Variants in JAM3 observed in about 807,000 individuals in gnomAD.
JAM3 encodes the protein junctional adhesion molecule 3, also known as junctional adhesion molecule C.
In JAM3, 31 loss-of-function variants were observed where a neutral mutation model predicts 39.4. The observed-to-expected ratio is 0.79, with a 90% CI of 0.59 to 1.06. The LOEUF (loss-of-function observed/expected upper bound fraction) is 1.06, where lower values mean the gene tolerates loss of function less well. JAM3 is among the 50% of genes least tolerant of loss of function. The pLI is 0.00. For missense variants in JAM3, 455 were observed against 391.4 expected (o/e 1.16, Z -1.37); for synonymous variants, 182 against 148.7 (o/e 1.22, Z -1.63).
At chr11:134,125,832 T>C (rs1942638272) in intron 1 of JAM3, among the ~76,000 whole-genome samples, 2 of 152,142 alleles carry the variant, frequency 1.3e-5, no homozygotes, top group Admixed American at 6.5e-5. Context: ...CTTTGTTTTT[T>C]CTCTACATTA....
In JAM3 at chr11:134,121,283, TAAG is replaced by T. The variant is rs1942527743; in HGVS notation, c.77-18565_77-18563del. On this transcript the variant is annotated intron_variant, in intron 1 of 8. Coordinates refer to ENST00000299106, the MANE Select transcript of JAM3 (RefSeq NM_032801.5). ...TCCGGAAGGTCTCTCAAAACTGAAA[TAAG>T]AAACTGCAGTTGTTGTCCACAGCTG... Among the ~76,000 whole-genome samples, 2 of 152,250 alleles carry T rather than the reference TAAG, an allele frequency of 1.3e-5. 1 individual carries two copies. The highest frequency in any genetic ancestry group is 4.2e-4 in the South Asian group (2 of 4,818).
Position 134,151,384 on chromosome 11 carries a change from T to A in JAM3, c.*2203T>A, listed in dbSNP as rs1277339144. 1 of 152,146 alleles carries A rather than the reference T, an allele frequency of 6.6e-6. No homozygotes were observed. Among genetic ancestry groups the A allele is most frequent in the Non-Finnish European group, 1.5e-5 (1 of 68,014 alleles). 9.4% of individuals were successfully genotyped at this position (152,146 alleles called of 1,614,324 possible). ...TGCCACCTTGGTAGAGAGGGATGGC[T>A]CCCCACCCTCAGCGTTGGGGATTCA... On this transcript the variant is annotated 3_prime_UTR_variant, in exon 9 of 9. Transcript: ENST00000299106.
intron 1 of JAM3, among the ~76,000 whole-genome samples, chr11:134,111,670 G>T (rs1039965442): frequency 1.3e-5 from 2 of 152,160 alleles, no homozygotes; most frequent in South Asian, 2.1e-4. Context: ...CAAGGAATAA[G>T]GAAGAAAATG....
intron 1 of JAM3, among the ~76,000 whole-genome samples, chr11:134,115,428 T>TCTA (rs1367767277): frequency 6.6e-6 from 1 of 152,078 alleles, no homozygotes; most frequent in Non-Finnish European, 1.5e-5. Context: ...TGTTCTTTGT[T>TCTA]CTTTTGTTCT....
At chr11:134,086,455 G>A (rs1362391234) in intron 1 of JAM3, among the ~76,000 whole-genome samples, 3 of 151,780 alleles carry the variant, frequency 2.0e-5, no homozygotes, top group Non-Finnish European at 4.4e-5. Flanking sequence ...CATGAGTAAA[G>A]AAGAAAAATT....
intron 1 of JAM3, among the ~76,000 whole-genome samples, chr11:134,108,206 TGAAA>T (rs976752844): frequency 6.6e-6 from 1 of 152,088 alleles, no homozygotes; most frequent in African/African-American, 2.4e-5. Flanking sequence ...ATAAATTTCT[TGAAA>T]GACACAACTA....
At position 134,095,884 on chromosome 11, in the gene JAM3, C is replaced by T. The variant is rs544340629; in HGVS notation, c.76+26725C>T. On this transcript the variant is annotated intron_variant, in intron 1 of 8. Transcript: ENST00000299106. Reference sequence around the variant, plus strand: ...CAGACAGGTTTCTAAATGTTTTTGTCCTTGACTTGCAAACACTCAGTGGAC... The same window carrying T: ...CAGACAGGTTTCTAAATGTTTTTGTTCTTGACTTGCAAACACTCAGTGGAC... Among the ~76,000 whole-genome samples, 11 of 152,282 alleles carry T rather than the reference C, an allele frequency of 7.2e-5. No individual in the cohort carries two copies. The East Asian group carries it at 1.7e-3, about 24-fold the overall frequency.
At position 134,149,967 on chromosome 11, in the gene JAM3, G is replaced by A. The variant is rs530375982; in HGVS notation, c.*786G>A. ...AAGGATGTATTTTGATTATTGAAAA[G>A]AAAATTTCTATTTAAACTGTAAATA... is the stretch of plus-strand genomic sequence containing the variant. On this transcript the variant is annotated 3_prime_UTR_variant, in exon 9 of 9. Coordinates refer to ENST00000299106, the MANE Select transcript of JAM3 (RefSeq NM_032801.5). 9 of 166,078 alleles carry A rather than the reference G, an allele frequency of 5.4e-5. No individual in the cohort carries two copies. The highest frequency in any genetic ancestry group is 4.5e-4 in the South Asian group (3 of 6,676). 10.3% of individuals were successfully genotyped at this position (166,078 alleles called of 1,614,324 possible).
At chr11:134,091,903 G>A (rs2510345) in intron 1 of JAM3, among the ~76,000 whole-genome samples, 59,435 of 150,304 alleles carry the variant, frequency 0.4, 12,786 homozygotes, top group African/African-American at 0.58. Flanking sequence ...CTTGAAAAGT[G>A]TGCATAAAAA....
chr11:134,125,464 C>T (rs555044340), intron 1 of JAM3, among the ~76,000 whole-genome samples: 1 of 152,020 alleles, frequency 6.6e-6, no homozygotes, highest in African/African-American at 2.4e-5. Context: ...TTTTTTAGTT[C>T]TGGATAGATT....
At chr11:134,108,003 G>A (rs1415542376) in intron 1 of JAM3, among the ~76,000 whole-genome samples, 7 of 151,950 alleles carry the variant, frequency 4.6e-5, no homozygotes, top group African/African-American at 1.7e-4. Flanking sequence ...AAAAAAACCA[G>A]TAAGTCCAAA....
At chr11:134,125,775 T>C (rs1942637210) in intron 1 of JAM3, among the ~76,000 whole-genome samples, 1 of 152,220 alleles carries the variant, frequency 6.6e-6, no homozygotes, top group Non-Finnish European at 1.5e-5. Flanking sequence ...AGCTCCTTCC[T>C]GCTTTGCTAA....
chr11:134,075,883 T>C (rs1452430823), intron 1 of JAM3, among the ~76,000 whole-genome samples: 1 of 152,218 alleles, frequency 6.6e-6, no homozygotes, highest in Non-Finnish European at 1.5e-5. Context: ...TAAACATGTT[T>C]AGTCATTCTG....
chr11:134,128,206 G>C (rs2120805988), intron 1 of JAM3, among the ~76,000 whole-genome samples: 1 of 152,150 alleles, frequency 6.6e-6, no homozygotes, highest in East Asian at 1.9e-4. Context: ...CCTTAATGTA[G>C]CTGGGGATGC....
intron 1 of JAM3, among the ~76,000 whole-genome samples, chr11:134,103,310 G>A (rs1477575140): frequency 6.6e-6 from 1 of 152,010 alleles, no homozygotes; most frequent in Non-Finnish European, 1.5e-5. Context: ...ACAAGCAAAT[G>A]CTGAGAGATT....
In JAM3 at chr11:134,124,304, C is replaced by T. The variant is rs540414789; in HGVS notation, c.77-15547C>T. 2.8e-4 allele frequency: 237 copies of T among 835,302 alleles called. No individual in the cohort carries two copies. In the African/African-American group the frequency reaches 3.6e-3, roughly 13 times the overall value. 51.7% of individuals were successfully genotyped at this position (835,302 alleles called of 1,614,324 possible). On this transcript the variant is annotated intron_variant, in intron 1 of 8. Coordinates refer to ENST00000299106, the MANE Select transcript of JAM3 (RefSeq NM_032801.5). Reference sequence around the variant, plus strand: ...GAAAACGCATGTTCTCACAGGAAATCTCCACAGGGGCTGGACGGTTCATTA... The same window carrying T: ...GAAAACGCATGTTCTCACAGGAAATTTCCACAGGGGCTGGACGGTTCATTA...
At chr11:134,076,505 A>G (rs557344536) in intron 1 of JAM3, among the ~76,000 whole-genome samples, 3 of 152,102 alleles carry the variant, frequency 2.0e-5, no homozygotes, top group Admixed American at 6.6e-5. Context: ...TTTGTATTCC[A>G]TATGTGATAT....
chr11:134,077,178 G>A (rs1941583795), intron 1 of JAM3, among the ~76,000 whole-genome samples: 1 of 151,966 alleles, frequency 6.6e-6, no homozygotes. Flanking sequence ...GTGTGAGATG[G>A]CATTTCGTTG....
chr11:134,116,805 A>G (rs575496929), intron 1 of JAM3, among the ~76,000 whole-genome samples: 2 of 151,676 alleles, frequency 1.3e-5, no homozygotes, highest in Non-Finnish European at 2.9e-5. Flanking sequence ...TATCTATACT[A>G]TTTCTCTATT....
Sources: allele counts gnomAD v4.1 joint callset (sites outside exome capture counted in the v4.1 genomes callset), GRCh38; gene constraint gnomAD v4.1.1; transcripts MANE v1.5; gene names NCBI Gene and HGNC (gene_info 2026-07-23, HGNC 2026-07-21).